CCDC88C: variants seen among roughly 807,000 people sequenced by gnomAD.
CCDC88C encodes the protein coiled-coil and HOOK domain protein 88C.
CCDC88C carries 131 observed loss-of-function variants against 198.8 expected under a neutral mutation model. The ratio of observed to expected loss-of-function variants is 0.66; its 90% CI spans 0.57 to 0.76. The LOEUF (loss-of-function observed/expected upper bound fraction) is 0.76, where lower values mean the gene tolerates loss of function less well. CCDC88C is among the 30% of genes least tolerant of loss of function. The pLI is 0.00. For synonymous variants in CCDC88C, 1,166 were observed against 1,114.7 expected (o/e 1.05, Z -0.92); for missense variants, 2,553 against 2,631.6 (o/e 0.97, Z 0.65).
chr14:91,301,380 G>A (rs936080687), intron 20 of CCDC88C, among the ~76,000 whole-genome samples: 2 of 152,206 alleles, frequency 1.3e-5, no homozygotes, highest in African/African-American at 2.4e-5. Flanking sequence ...CAACAGTCCA[G>A]ACTCCACCTG....
intron 24 of CCDC88C, among the ~76,000 whole-genome samples, chr14:91,290,588 A>G (rs1266008407): frequency 1.3e-5 from 2 of 152,208 alleles, no homozygotes; most frequent in Non-Finnish European, 2.9e-5. Context: ...AGGTTCCCAC[A>G]TTTGAAGACC....
In CCDC88C at chr14:91,359,624, G is replaced by C. The variant is rs572225973; in HGVS notation, c.340+18C>G. On this transcript the variant is annotated intron_variant, in intron 4 of 29. Transcript: ENST00000389857. ...CTGGCTGGGCACCACAGGGGAGAAG[G>C]GAGCGGCTTTCACTCACCAGACAGT... is the stretch of plus-strand genomic sequence containing the variant. The C allele has an allele frequency of 7.1e-5, 113 of 1,596,834 alleles. No individual in the cohort carries two copies. The East Asian group carries it at 2.4e-3, about 34-fold the overall frequency.
intron 6 of CCDC88C, among the ~76,000 whole-genome samples, chr14:91,341,347 T>C (rs889799554): frequency 1.3e-5 from 2 of 152,132 alleles, no homozygotes; most frequent in Non-Finnish European, 2.9e-5. Flanking sequence ...TGAGCTTTTA[T>C]TGAAATGCTT....
At chr14:91,323,900 G>C (rs556439838) in intron 12 of CCDC88C, among the ~76,000 whole-genome samples, 1 of 152,222 alleles carries the variant, frequency 6.6e-6, no homozygotes, top group African/African-American at 2.4e-5. Context: ...CAGTGAAACT[G>C]GTTTTAGGTT....
At chr14:91,372,285 G>A (rs560860520) in intron 3 of CCDC88C, among the ~76,000 whole-genome samples, 21 of 152,150 alleles carry the variant, frequency 1.4e-4, no homozygotes, top group Admixed American at 2.6e-4. Context: ...ATGGGGGACA[G>A]TGAGGGGCCC....
At chr14:91,353,385 T>C (rs1024988522) in intron 4 of CCDC88C, among the ~76,000 whole-genome samples, 41 of 152,368 alleles carry the variant, frequency 2.7e-4, no homozygotes, top group African/African-American at 9.9e-4. Flanking sequence ...CACCATCTTC[T>C]GTCCTAGAAT....
intron 10 of CCDC88C, among the ~76,000 whole-genome samples, chr14:91,333,990 CCTCTT>C (rs1265415444): frequency 6.6e-6 from 1 of 152,214 alleles, no homozygotes; most frequent in African/African-American, 2.4e-5. Flanking sequence ...ACTTGGAATA[CCTCTT>C]CTAACACTAA....
chr14:91,327,865 A>G (rs941161805), intron 10 of CCDC88C, among the ~76,000 whole-genome samples: 1 of 152,074 alleles, frequency 6.6e-6, no homozygotes, highest in African/African-American at 2.4e-5. Flanking sequence ...CTTCACCCTC[A>G]CAAGCAACTC....
chr14:91,410,488 G>T (rs1016535548), intron 2 of CCDC88C, among the ~76,000 whole-genome samples: 24 of 152,276 alleles, frequency 1.6e-4, no homozygotes, highest in African/African-American at 5.8e-4. Context: ...AATGTTTCTG[G>T]AAGTACAGTG....
At chr14:91,299,723 C>A (rs962035361) in intron 21 of CCDC88C, among the ~76,000 whole-genome samples, 1 of 152,194 alleles carries the variant, frequency 6.6e-6, no homozygotes, top group Non-Finnish European at 1.5e-5. Context: ...GACGCGCCAT[C>A]CCCAGGTGTC....
intron 3 of CCDC88C, among the ~76,000 whole-genome samples, chr14:91,393,064 G>T (rs1471611832): frequency 6.6e-6 from 1 of 152,200 alleles, no homozygotes; most frequent in Admixed American, 6.5e-5. Context: ...TCCCGGAAAC[G>T]GCCCCTGGGC....
chr14:91,285,335 G>T (rs1014549344), intron 25 of CCDC88C: 2 of 421,282 alleles, frequency 4.7e-6, no homozygotes, highest in Admixed American at 2.7e-5. Context: ...CTTGACACAC[G>T]GGCAAAACAT....
Position 91,321,278 on chromosome 14 carries a change from G to A in CCDC88C, c.1369C>T (p.Leu457=). 1 of 1,564,822 alleles carries A rather than the reference G, an allele frequency of 6.4e-7. No individual in the cohort carries two copies. The highest frequency in any genetic ancestry group is 8.7e-7 in the Non-Finnish European group (1 of 1,154,008). The change falls in exon 13 of 30, where the codon CTG becomes TTG. Residue 457 remains leucine (L), a synonymous_variant. Transcript: ENST00000389857. Reference sequence around the variant, plus strand: ...ATGCGGCTGGACGCACATTCGTTCAGCTCAAACACAAACGACTTCCTGGAG... The same window carrying A: ...ATGCGGCTGGACGCACATTCGTTCAACTCAAACACAAACGACTTCCTGGAG... ...DASRKSFVFE[L]NECASSRILK... is the part of the protein sequence containing the mutation.
At position 91,283,507 on chromosome 14, in the gene CCDC88C, A is replaced by G. The variant is rs1890285204; in HGVS notation, c.4452T>C (p.Asp1484=). ...GTGGGGAGCCTCGCTTTGGTTTTAG[A>G]TCCCCAGGGCCTGAGGCAGAAGAGG... is the stretch of plus-strand genomic sequence containing the variant. The part of the protein sequence containing the change: ...HNGSVGKGPG[D]LKPKRGSPHR... The change falls in exon 26 of 30, where the codon GAT becomes GAC. Residue 1484 remains aspartate, a synonymous_variant. Coordinates refer to ENST00000389857, the MANE Select transcript of CCDC88C (RefSeq NM_001080414.4). The G allele has an allele frequency of 6.2e-7, 1 of 1,609,652 alleles. No homozygotes were observed. Among genetic ancestry groups the G allele is most frequent in the Non-Finnish European group, 8.5e-7 (1 of 1,178,310 alleles).
At chr14:91,296,416 C>A (rs12050311) in intron 22 of CCDC88C, among the ~76,000 whole-genome samples, 124,525 of 152,250 alleles carry the variant, frequency 0.82, 51,125 homozygotes, top group African/African-American at 0.88. Flanking sequence ...CAGCCCCTGA[C>A]CTGAAACCTC....
intron 3 of CCDC88C, among the ~76,000 whole-genome samples, chr14:91,400,917 C>T (rs962825534): frequency 6.6e-6 from 1 of 152,038 alleles, no homozygotes; most frequent in Non-Finnish European, 1.5e-5. Flanking sequence ...GACTTATGTA[C>T]CAAGTATGTT....
In CCDC88C at chr14:91,272,771, T is replaced by G. The variant is rs781645180; in HGVS notation, c.5941A>C (p.Ser1981Arg). Residue 1981 changes from serine (S) to arginine (R), a missense_variant, in exon 30 of 30, where the codon AGC becomes CGC. Transcript: ENST00000389857. The stretch of plus-strand genomic sequence containing the variant: ...GCCAAATCGGGAGACCGACCTGGGC[T>G]CTTGGCCGGAAGCCCCTCACTGCAG... ...QGCSEGLPAK[S>R]PGRSPDLAPH... The G allele has an allele frequency of 6.2e-7, 1 of 1,606,954 alleles. No individual in the cohort carries two copies. Among genetic ancestry groups the G allele is most frequent in the East Asian group, 2.2e-5 (1 of 44,804 alleles).
chr14:91,372,344 GATCCCACCAGCAA>G (rs904347463), intron 3 of CCDC88C, among the ~76,000 whole-genome samples: 5 of 151,904 alleles, frequency 3.3e-5, no homozygotes, highest in African/African-American at 1.2e-4. Flanking sequence ...CTCACAGCCT[GATCCCACCAGCAA>G]ATCCCACCAG....
intron 29 of CCDC88C, among the ~76,000 whole-genome samples, chr14:91,275,609 C>G (rs924689478): frequency 6.6e-6 from 1 of 151,756 alleles, no homozygotes; most frequent in East Asian, 1.9e-4. Flanking sequence ...TCCCGAGTAG[C>G]TGGGATCACA....
Sources: gnomAD v4.1 joint callset for allele counts (sites outside exome capture counted in the v4.1 genomes callset) on GRCh38, gnomAD v4.1.1 for gene constraint, MANE v1.5 for transcripts, NCBI Gene and HGNC (gene_info 2026-07-23, HGNC 2026-07-21) for gene names.